Variants in MAD1L1 observed in about 807,000 individuals in gnomAD.
MAD1L1 encodes the protein mitotic spindle assembly checkpoint protein MAD1.
In MAD1L1, 95 loss-of-function variants were observed where a neutral mutation model predicts 96.9. The ratio of observed to expected loss-of-function variants is 0.98; its 90% CI spans 0.83 to 1.16. The LOEUF is 1.16. MAD1L1 is among the 50% of genes most tolerant of loss of function. The pLI, the probability that MAD1L1 is intolerant of heterozygous loss-of-function variation, is 0.00. For synonymous variants in MAD1L1, 473 were observed against 396.6 expected (o/e 1.19, Z -2.29); for missense variants, 1,007 against 954.4 (o/e 1.06, Z -0.73).
intron 12 of MAD1L1, among the ~76,000 whole-genome samples, chr7:2,023,645 A>G (rs533012824): frequency 1.7e-4 from 26 of 152,250 alleles, no homozygotes; most frequent in Non-Finnish European, 3.1e-4. Flanking sequence ...ATGTAAGCCT[A>G]AAGCAAGAAA....
At chr7:1,993,292 G>C (rs935344142) in intron 14 of MAD1L1, among the ~76,000 whole-genome samples, 57 of 152,208 alleles carry the variant, frequency 3.7e-4, no homozygotes, top group African/African-American at 1.4e-3. Flanking sequence ...CACAGTGCAG[G>C]GAGGGCACAG....
chr7:2,129,850 C>G (rs1166250400), intron 11 of MAD1L1, among the ~76,000 whole-genome samples: 1 of 152,238 alleles, frequency 6.6e-6, no homozygotes, highest in Non-Finnish European at 1.5e-5. Context: ...CCACCACCGT[C>G]GGAGGGGCAC....
intron 15 of MAD1L1, among the ~76,000 whole-genome samples, chr7:1,976,463 G>A (rs1025902912): frequency 2.0e-5 from 3 of 152,158 alleles, no homozygotes; most frequent in African/African-American, 4.8e-5. Flanking sequence ...CAGTGGGTTC[G>A]TGGTCTTGCC....
intron 12 of MAD1L1, among the ~76,000 whole-genome samples, chr7:2,057,674 T>C (rs1784439764): frequency 6.6e-6 from 1 of 152,370 alleles, no homozygotes; most frequent in South Asian, 2.1e-4. Context: ...GGCCAGACTT[T>C]CTAAATCCAC....
rs373327309 is a variant in MAD1L1, at chr7:2,183,052, A to C, written c.986+30160T>G. On this transcript the variant is annotated intron_variant, in intron 10 of 18. Coordinates refer to ENST00000265854, the MANE Select transcript of MAD1L1 (RefSeq NM_001013836.2). ...AGTCTGGACAACATAGTGAGACCCT[A>C]TCTCTACAAAAGAGAAAAAATTAGC... Among the ~76,000 whole-genome samples the C allele has an allele frequency of 2.6e-4, 40 of 152,178 alleles. No homozygotes were observed. In the East Asian group the frequency reaches 7.2e-3, roughly 27 times the overall value.
chr7:1,889,437 C>T (rs922326794), intron 18 of MAD1L1, among the ~76,000 whole-genome samples: 1 of 152,240 alleles, frequency 6.6e-6, no homozygotes, highest in Non-Finnish European at 1.5e-5. Flanking sequence ...TCAGGAGGAC[C>T]CCAGCAGCTC....
chr7:2,148,953 C>T (rs1008779068), intron 11 of MAD1L1, among the ~76,000 whole-genome samples, 199 bp downstream of exon 11: 10 of 152,120 alleles, frequency 6.6e-5, no homozygotes, highest in African/African-American at 2.2e-4. Flanking sequence ...GGTGCCTCAG[C>T]GGAGGCTCAC....
At chr7:1,912,555 G>A (rs1788089427) in intron 17 of MAD1L1, among the ~76,000 whole-genome samples, 1 of 152,144 alleles carries the variant, frequency 6.6e-6, no homozygotes. Flanking sequence ...GGTCCCTGCC[G>A]CCGATGCATC....
At chr7:1,838,279 C>G (rs1211803078) in intron 18 of MAD1L1, among the ~76,000 whole-genome samples, 1 of 152,168 alleles carries the variant, frequency 6.6e-6, no homozygotes, top group African/African-American at 2.4e-5. Context: ...CAGCTCCTTA[C>G]AAAGCTCAAA....
chr7:2,079,056 C>T (rs1027134484), intron 11 of MAD1L1, among the ~76,000 whole-genome samples: 3 of 152,084 alleles, frequency 2.0e-5, no homozygotes, highest in African/African-American at 7.2e-5. Flanking sequence ...GCCGAGCCAG[C>T]GGTTGGGAGG....
At chr7:1,933,051 AG>A (rs1789571052) in intron 17 of MAD1L1, among the ~76,000 whole-genome samples, 1 of 152,152 alleles carries the variant, frequency 6.6e-6, no homozygotes, top group South Asian at 2.1e-4. Flanking sequence ...GAGGAGATCC[AG>A]GAGACAGTTT....
intron 18 of MAD1L1, among the ~76,000 whole-genome samples, chr7:1,884,082 T>C (rs34279734): frequency 0.6 from 90,974 of 151,768 alleles, 27,543 homozygotes; most frequent in South Asian, 0.71. Context: ...CGAGAGAGCA[T>C]GTGGCCAACA....
Position 1,834,084 on chromosome 7 carries a change from C to T in MAD1L1, c.1999-17856G>A, listed in dbSNP as rs543979680. On this transcript the variant is annotated intron_variant, in intron 18 of 18. Coordinates refer to ENST00000265854, the MANE Select transcript of MAD1L1 (RefSeq NM_001013836.2). ...CTAACACACTTCTAAATAACCCATACGTCAAAGAAGAAATCAAAAGGGAGG... is the reference window on the plus strand; with the variant it reads ...CTAACACACTTCTAAATAACCCATATGTCAAAGAAGAAATCAAAAGGGAGG... 1.2e-4 allele frequency among the ~76,000 whole-genome samples: 19 copies of T among 152,170 alleles called. No homozygotes were observed. In the East Asian group the frequency reaches 2.9e-3, roughly 23 times the overall value.
intron 10 of MAD1L1, among the ~76,000 whole-genome samples, chr7:2,149,803 C>T (rs190121927): frequency 7.4e-4 from 112 of 152,312 alleles, no homozygotes; most frequent in African/African-American, 2.5e-3. Context: ...AAGTGCACCC[C>T]GATGATCAGC....
At chr7:1,996,197 C>T (rs893550492) in intron 14 of MAD1L1, among the ~76,000 whole-genome samples, 7 of 151,316 alleles carry the variant, frequency 4.6e-5, no homozygotes, top group African/African-American at 1.5e-4. Flanking sequence ...GGCAGGGTCC[C>T]CCCGGGTCTA....
At chr7:1,897,614 C>T (rs116533970) in intron 18 of MAD1L1, among the ~76,000 whole-genome samples, 2,518 of 152,338 alleles carry the variant, frequency 0.017, 65 homozygotes, top group African/African-American at 0.058. Flanking sequence ...GCTGTTGGAC[C>T]CCGCTCGCCC....
Position 2,164,956 on chromosome 7 carries a change from G to A in MAD1L1, c.987-15718C>T, listed in dbSNP as rs1423998523. On this transcript the variant is annotated intron_variant, in intron 10 of 18. Coordinates refer to ENST00000265854, the MANE Select transcript of MAD1L1 (RefSeq NM_001013836.2). ...AGTGGAAAGCCTGAGGCTGAGGGAA[G>A]GGGGCATGTTGACCCGGGAGGGCCA... is the stretch of plus-strand genomic sequence containing the variant. 3.3e-5 allele frequency among the ~76,000 whole-genome samples: 5 copies of A among 152,208 alleles called. 1 individual carries two copies. The highest frequency in any genetic ancestry group is 1.2e-4 in the African/African-American group (5 of 41,448).
intron 11 of MAD1L1, among the ~76,000 whole-genome samples, chr7:2,070,837 A>T (rs1344008926): frequency 2.6e-5 from 4 of 152,222 alleles, no homozygotes; most frequent in Non-Finnish European, 5.9e-5. Flanking sequence ...CTTCCCAGCC[A>T]TTGATTGCTT....
chr7:1,982,712 T>G (rs762094843), intron 14 of MAD1L1, among the ~76,000 whole-genome samples: 2 of 152,232 alleles, frequency 1.3e-5, no homozygotes, highest in South Asian at 4.1e-4. Context: ...CTTGTCTACT[T>G]TGGATGACTA....
Sources: allele counts gnomAD v4.1 joint callset (sites outside exome capture counted in the v4.1 genomes callset), GRCh38; gene constraint gnomAD v4.1.1; transcripts MANE v1.5; gene names NCBI Gene and HGNC (gene_info 2026-07-23, HGNC 2026-07-21).